The following PMS1 variants were observed in gnomAD, a reference collection of about 807,000 sequenced individuals.
The protein encoded by PMS1 is PMS1 protein homolog 1.
In PMS1, 79 loss-of-function variants were observed where a neutral mutation model predicts 93.1. That is an observed-to-expected ratio of 0.85 (90% CI 0.71 to 1.02). The LOEUF is 1.02. Among genes scored for constraint, PMS1 ranks in the 50% least tolerant of loss-of-function variants. PMS1 has a pLI of 0.00. For missense variants in PMS1, 1,064 were observed against 1,085.3 expected (o/e 0.98, Z 0.28); for synonymous variants, 335 against 363.4 (o/e 0.92, Z 0.89).
intron 12 of PMS1, among the ~76,000 whole-genome samples, chr2:189,874,629 G>A (rs1366279938): frequency 2.0e-5 from 3 of 152,086 alleles, no homozygotes; most frequent in East Asian, 3.8e-4. Context: ...TTTTAAAAAT[G>A]AGCCATTTTT....
intron 3 of PMS1, among the ~76,000 whole-genome samples, chr2:189,804,836 GT>G (rs1182247478): frequency 3.0e-4 from 45 of 152,248 alleles, no homozygotes; most frequent in African/African-American, 9.6e-4. Context: ...CACCAGACAT[GT>G]GAGGAGGCTA....
At chr2:189,798,109 C>G (rs2049523392) in intron 3 of PMS1, among the ~76,000 whole-genome samples, 1 of 152,202 alleles carries the variant, frequency 6.6e-6, no homozygotes, top group Non-Finnish European at 1.5e-5. Context: ...TGTTGTTTAT[C>G]CTCATCGTCA....
chr2:189,845,701 C>T (rs575453537), intron 6 of PMS1, among the ~76,000 whole-genome samples: 2 of 151,928 alleles, frequency 1.3e-5, no homozygotes, highest in African/African-American at 4.8e-5. Flanking sequence ...GTATGTCATG[C>T]CTTCCTCTTT....
At chr2:189,831,968 T>A (rs962347347) in intron 5 of PMS1, among the ~76,000 whole-genome samples, 1 of 152,044 alleles carries the variant, frequency 6.6e-6, no homozygotes, top group South Asian at 2.1e-4. Flanking sequence ...TGACCGCAAA[T>A]GATCCTCCCG....
chr2:189,861,899 T>C (rs1404943925), intron 9 of PMS1, among the ~76,000 whole-genome samples: 1 of 152,080 alleles, frequency 6.6e-6, no homozygotes, highest in Non-Finnish European at 1.5e-5. Context: ...TATACCTACC[T>C]GTAAATTTAT....
At position 189,831,922 on chromosome 2, in the gene PMS1, G is replaced by T. The variant is rs371658380; in HGVS notation, c.583-12042G>T. Among the ~76,000 whole-genome samples the T allele has an allele frequency of 2.6e-4, 39 of 152,086 alleles. No individual in the cohort carries two copies. In the East Asian group the frequency reaches 5.0e-3, roughly 20 times the overall value. On this transcript the variant is annotated intron_variant, in intron 5 of 12. Coordinates refer to ENST00000441310, the MANE Select transcript of PMS1 (RefSeq NM_000534.5). ...TTTTTAGTATTTTTAGTAGAGATGG[G>T]GTTTCACCATGTTGGCCAGGCTGGT...
intron 12 of PMS1, among the ~76,000 whole-genome samples, chr2:189,874,030 A>G (rs1052166705): frequency 6.6e-5 from 10 of 152,188 alleles, no homozygotes; most frequent in Non-Finnish European, 1.5e-4. Context: ...TATTTCTTAA[A>G]ATAGTAAATT....
At chr2:189,871,823 C>G (rs1021478136) in intron 11 of PMS1, among the ~76,000 whole-genome samples, 1 of 152,152 alleles carries the variant, frequency 6.6e-6, no homozygotes, top group South Asian at 2.1e-4. Context: ...TTATTTGGCT[C>G]ATGGTTCTGC....
In PMS1 at chr2:189,785,895, C is replaced by T. The variant is rs5742943; in HGVS notation, c.-21+1302C>T. On this transcript the variant is annotated intron_variant, in intron 1 of 12. Transcript: ENST00000441310. ...ATCCCAGCACTTTGGGAGGCCAAGG[C>T]GGGCGGATCACCTGAGGTCAGGAGT... Among the ~76,000 whole-genome samples the T allele has an allele frequency of 6.6e-3, 1,001 of 152,188 alleles. 5 individuals carry two copies. Among genetic ancestry groups the T allele is most frequent in the Non-Finnish European group, 0.01 (681 of 67,996 alleles).
chr2:189,795,807 C>CG lies in PMS1; in HGVS notation c.175dup (p.Glu59GlyfsTer7), dbSNP rs765360578. 4 of 1,613,520 alleles carry CG rather than the reference C, an allele frequency of 2.5e-6. No individual in the cohort carries two copies. The highest frequency in any genetic ancestry group is 3.4e-6 in the Non-Finnish European group (4 of 1,179,568). On this transcript the variant is annotated frameshift_variant, in exon 3 of 13. Coordinates refer to ENST00000441310, the MANE Select transcript of PMS1 (RefSeq NM_000534.5). LOFTEE classifies it high-confidence loss of function. ...TTGATAAAATTGAGGTGCGAGATAA[C>CG]GGGGAGGGTATCAAGGCTGTTGATG...
intron 5 of PMS1, among the ~76,000 whole-genome samples, chr2:189,827,673 C>CT: frequency 6.6e-6 from 1 of 152,014 alleles, no homozygotes; most frequent in East Asian, 1.9e-4. Context: ...ATAAAACAGA[C>CT]TGAAATCCTG....
chr2:189,833,197 CGTA>C (rs2053106362), intron 5 of PMS1, among the ~76,000 whole-genome samples: 1 of 152,152 alleles, frequency 6.6e-6, no homozygotes, highest in Non-Finnish European at 1.5e-5. Context: ...GACCTTTTCT[CGTA>C]GTTGCAGTGA....
At chr2:189,818,203 A>G (rs777537473) in intron 5 of PMS1, 23 bp downstream of exon 5, 11 of 1,457,176 alleles carry the variant, frequency 7.5e-6, no homozygotes, top group Non-Finnish European at 1.1e-5. Context: ...TTATCTTTAT[A>G]AGTTTCTGGG....
chr2:189,848,185 G>A (rs1188827749), intron 6 of PMS1, among the ~76,000 whole-genome samples: 4 of 152,098 alleles, frequency 2.6e-5, no homozygotes, highest in African/African-American at 9.7e-5. Context: ...TGCCTACAGT[G>A]GTAACCCAGG....
intron 1 of PMS1, among the ~76,000 whole-genome samples, chr2:189,784,938 A>G (rs2048147211): frequency 1.3e-5 from 2 of 152,232 alleles, no homozygotes; most frequent in South Asian, 4.1e-4. Flanking sequence ...GTGGCATCAT[A>G]CAAGGGGTGC....
rs1234937947 is a variant in PMS1 at position 189,855,146 on chromosome 2, G to A, written c.1856+18G>A. ...AAACTGAAGTAAGTTTCCAGAGCTT[G>A]CATGTGACTTGAATGTTCAGCTATT... On this transcript the variant is annotated intron_variant, in intron 9 of 12. Coordinates refer to ENST00000441310, the MANE Select transcript of PMS1 (RefSeq NM_000534.5). 1 of 1,602,438 alleles carries A rather than the reference G, an allele frequency of 6.2e-7. No individual in the cohort carries two copies. The highest frequency in any genetic ancestry group is 1.7e-5 in the Admixed American group (1 of 59,950).
Position 189,805,756 on chromosome 2 carries a change from T to A in PMS1, c.418+2T>A, listed in dbSNP as rs989305402. ...AGAAACCTTCACATCTTGGTCAAGG[T>A]AAGAAAGTAGCTTTGTATACAAACA... On this transcript the variant is annotated splice_donor_variant, in intron 4 of 12. Transcript: ENST00000441310. LOFTEE classifies it high-confidence loss of function. The A allele has an allele frequency of 6.2e-7, 1 of 1,613,776 alleles. No individual in the cohort carries two copies.
intron 1 of PMS1, among the ~76,000 whole-genome samples, chr2:189,789,093 C>T (rs72905314): frequency 2.0e-5 from 3 of 151,896 alleles, no homozygotes; most frequent in Admixed American, 6.6e-5. Context: ...AACTGGGTAC[C>T]CCAAAACTAA....
chr2:189,862,605 A>C (rs1255902856), intron 9 of PMS1, among the ~76,000 whole-genome samples: 2 of 152,200 alleles, frequency 1.3e-5, no homozygotes, highest in African/African-American at 4.8e-5. Context: ...TCTTCTGAAA[A>C]GTGCTGATTT....
Sources: gnomAD v4.1 joint callset for allele counts (sites outside exome capture counted in the v4.1 genomes callset) on GRCh38, gnomAD v4.1.1 for gene constraint, MANE v1.5 for transcripts, NCBI Gene and HGNC (gene_info 2026-07-23, HGNC 2026-07-21) for gene names.